Variants in NAB1 observed in about 807,000 individuals in gnomAD.
NAB1 encodes NGFI-A-binding protein 1.
A neutral mutation model predicts 49.9 loss-of-function variants in NAB1; 25 were observed. The ratio of observed to expected loss-of-function variants is 0.50; its 90% confidence interval spans 0.37 to 0.70. NAB1 has a LOEUF of 0.70. NAB1 is among the 30% of genes least tolerant of loss of function. The pLI is 0.00. For missense variants in NAB1, 489 were observed against 575.9 expected (o/e 0.85, Z 1.54); for synonymous variants, 198 against 215.6 (o/e 0.92, Z 0.71).
rs907957411 is a variant in NAB1 at position 190,689,291 on chromosome 2, G to T, written c.1376-954G>T. Among the ~76,000 whole-genome samples, 1 of 152,100 alleles carries T rather than the reference G, an allele frequency of 6.6e-6. No individual in the cohort carries two copies. Among genetic ancestry groups the T allele is most frequent in the Non-Finnish European group, 1.5e-5 (1 of 67,998 alleles). On this transcript the variant is annotated intron_variant, in intron 9 of 9. Transcript: ENST00000337386. The surrounding 1 kb of genome is among the most constrained non-coding windows in gnomAD (Gnocchi z 4.3). ...GTAAAAGAGAAGTAATTTCTACCTCGTAGGGTAGTTAGGAGGATTAAACAA... is the reference window on the plus strand; with the variant it reads ...GTAAAAGAGAAGTAATTTCTACCTCTTAGGGTAGTTAGGAGGATTAAACAA...
In NAB1 at chr2:190,659,865, A is replaced by T. The variant is rs775060146; in HGVS notation, c.689A>T (p.Lys230Ile). ...CTAAAAACCAACAAGAAGTTGGCCA[A>T]AATGATTGGTCACATCTTTGAGATG... is the stretch of plus-strand genomic sequence containing the variant. ...ELLKTNKKLA[K>I]MIGHIFEMND... The change falls in exon 4 of 10, where the codon AAA (lysine) becomes ATA (isoleucine). Residue 230 changes from lysine (K) to isoleucine (I), a missense_variant. Physicochemically the swap from Lys to Ile is moderately radical, Grantham distance 102 (BLOSUM62 -3). Around this residue, in one of 4 missense-constraint regions of NAB1, gnomAD observed 204 missense variants for 220.9 expected, o/e 0.92. Coordinates refer to ENST00000337386, the MANE Select transcript of NAB1 (RefSeq NM_005966.4). This position sits in a 1 kb window ranked among gnomAD's most constrained non-coding sequence, Gnocchi z 6.2. 6.2e-7 allele frequency: 1 copy of T among 1,614,106 alleles called. No individual in the cohort carries two copies. Among genetic ancestry groups the T allele is most frequent in the Non-Finnish European group, 8.5e-7 (1 of 1,180,042 alleles).
rs765883901 is a variant in NAB1 at position 190,690,743 on chromosome 2, T to A, written c.*410T>A. On this transcript the variant is annotated 3_prime_UTR_variant, in exon 10 of 10. Transcript: ENST00000337386. ...TTACTTGAAATTTTGTTGTCTACTT[T>A]GTGTGTTTAACGTAAATATATGTCA... is the stretch of plus-strand genomic sequence containing the variant. The A allele has an allele frequency of 6.4e-6, 1 of 155,494 alleles. No individual in the cohort carries two copies. The highest frequency in any genetic ancestry group is 6.4e-5 in the Admixed American group (1 of 15,642). 9.6% of individuals were successfully genotyped at this position (155,494 alleles called of 1,614,324 possible).
chr2:190,654,375 A>G lies in NAB1; in HGVS notation c.-196-1602A>G, dbSNP rs1326431169. Among the ~76,000 whole-genome samples, 2 of 152,176 alleles carry G rather than the reference A, an allele frequency of 1.3e-5. No individual in the cohort carries two copies. The highest frequency in any genetic ancestry group is 2.9e-5 in the Non-Finnish European group (2 of 68,022). ...TGGCTTAGTTGTTGGTGTTATTTGA[A>G]TAAGTTCAAAATGTAAGAGAGACAA... is the stretch of plus-strand genomic sequence containing the variant. On this transcript the variant is annotated intron_variant, in intron 2 of 9. Coordinates refer to ENST00000337386, the MANE Select transcript of NAB1 (RefSeq NM_005966.4). The surrounding 1 kb of genome is among the most constrained non-coding windows in gnomAD (Gnocchi z 5.6).
At position 190,685,847 on chromosome 2, in the gene NAB1, G is replaced by A. The variant is rs572330929; in HGVS notation, c.1258+209G>A. ...TTGTAAATTTTTTAATCTTTAAGCA[G>A]TTGGCACCTGAGATTGACATGTATT... On this transcript the variant is annotated intron_variant, in intron 8 of 9. Coordinates refer to ENST00000337386, the MANE Select transcript of NAB1 (RefSeq NM_005966.4). The surrounding 1 kb of genome is among the most constrained non-coding windows in gnomAD (Gnocchi z 4.5). Among the ~76,000 whole-genome samples, 132 of 152,268 alleles carry A rather than the reference G, an allele frequency of 8.7e-4. 2 individuals carry two copies. The highest frequency in any genetic ancestry group is 3.0e-3 in the African/African-American group (126 of 41,550).
rs1312552480 is a variant in NAB1 at position 190,654,803 on chromosome 2, A to G, written c.-196-1174A>G. Among the ~76,000 whole-genome samples, 1 of 152,188 alleles carries G rather than the reference A, an allele frequency of 6.6e-6. No individual in the cohort carries two copies. Among genetic ancestry groups the G allele is most frequent in the Non-Finnish European group, 1.5e-5 (1 of 68,038 alleles). ...GAGGCAGAGAAAGAAGTGGTGGTGT[A>G]GCCTAAGGACATGTAGATTTGAGGA... is the stretch of plus-strand genomic sequence containing the variant. On this transcript the variant is annotated intron_variant, in intron 2 of 9. Coordinates refer to ENST00000337386, the MANE Select transcript of NAB1 (RefSeq NM_005966.4). The surrounding 1 kb of genome is among the most constrained non-coding windows in gnomAD (Gnocchi z 5.6).
chr2:190,681,102 C>A (rs1257104131), intron 6 of NAB1, among the ~76,000 whole-genome samples: 1 of 152,102 alleles, frequency 6.6e-6, no homozygotes, highest in Non-Finnish European at 1.5e-5. Flanking sequence ...GCTATAATTT[C>A]TGTTTATAGA....
intron 6 of NAB1, among the ~76,000 whole-genome samples, chr2:190,683,064 A>AC (rs1695425968): frequency 6.6e-6 from 1 of 151,752 alleles, no homozygotes; most frequent in Admixed American, 6.6e-5. Flanking sequence ...GGCTAATCAA[A>AC]CCCCCCACTA....
chr2:190,677,597 T>C lies in NAB1; in HGVS notation c.1005+4445T>C, dbSNP rs1695136322. The C allele has an allele frequency of 6.6e-6, 1 of 152,234 alleles. No homozygotes were observed. Among genetic ancestry groups the C allele is most frequent in the Admixed American group, 6.5e-5 (1 of 15,286 alleles). The allele number at this position is 152,234 out of a possible 1,614,324, so 9.4% of individuals were successfully genotyped here. A position where few individuals can be genotyped will look rare whatever the true frequency, so the allele number is the denominator to read the frequency against. ...ATTAAATCTTCTCATTCTGGGGCAA[T>C]TGTAAAAATCGCTACTTTGTATTGC... On this transcript the variant is annotated intron_variant, in intron 6 of 9. Coordinates refer to ENST00000337386, the MANE Select transcript of NAB1 (RefSeq NM_005966.4). This position sits in a 1 kb window ranked among gnomAD's most constrained non-coding sequence, Gnocchi z 5.6.
At chr2:190,662,276 T>A (rs1310397295) in intron 4 of NAB1, among the ~76,000 whole-genome samples, 1 of 152,208 alleles carries the variant, frequency 6.6e-6, no homozygotes. Flanking sequence ...GTACATAAGA[T>A]TATTTTTCTT....
chr2:190,664,957 T>C (rs1694437074), intron 4 of NAB1, among the ~76,000 whole-genome samples: 1 of 152,108 alleles, frequency 6.6e-6, no homozygotes, highest in Non-Finnish European at 1.5e-5. Flanking sequence ...CCTGATATAC[T>C]TTCTGTACAG....
In NAB1 at chr2:190,686,250, G is replaced by T. The variant is rs538485062; in HGVS notation, c.1258+612G>T. ...TGTGCCAGGCACTCTCCTAGGCACT[G>T]AAGATGCAGCAGGGAACAAATCCCT... On this transcript the variant is annotated intron_variant, in intron 8 of 9. Coordinates refer to ENST00000337386, the MANE Select transcript of NAB1 (RefSeq NM_005966.4). This position sits in a 1 kb window ranked among gnomAD's most constrained non-coding sequence, Gnocchi z 5.5. Among the ~76,000 whole-genome samples, 5 of 152,302 alleles carry T rather than the reference G, an allele frequency of 3.3e-5. No homozygotes were observed. The South Asian group carries it at 1.0e-3, about 32-fold the overall frequency.
chr2:190,658,382 A>T (rs1694038845), intron 3 of NAB1, among the ~76,000 whole-genome samples: 1 of 152,200 alleles, frequency 6.6e-6, no homozygotes, highest in Non-Finnish European at 1.5e-5. Flanking sequence ...AGTGCCTGTT[A>T]GAATTCTGAA....
chr2:190,659,530 C>G lies in NAB1; in HGVS notation c.354C>G (p.Ser118Arg), dbSNP rs1694107095. ...GISCSSYERS[S>R]NAREPHLKIP... ...CCTGCAGTAGTTATGAAAGGAGTAG[C>G]AATGCCCGGGAACCTCATTTAAAAA... The change falls in exon 4 of 10, where the codon AGC (serine) becomes AGG (arginine). Residue 118 changes from serine to arginine, a missense_variant. Physicochemically the swap from Ser to Arg is moderately radical, Grantham distance 110. Coordinates refer to ENST00000337386, the MANE Select transcript of NAB1 (RefSeq NM_005966.4). This position sits in a 1 kb window ranked among gnomAD's most constrained non-coding sequence, Gnocchi z 6.2. The G allele has an allele frequency of 1.2e-6, 2 of 1,614,086 alleles. No individual in the cohort carries two copies. Among genetic ancestry groups the G allele is most frequent in the African/African-American group, 2.7e-5 (2 of 74,928 alleles).
intron 4 of NAB1, among the ~76,000 whole-genome samples, chr2:190,668,823 T>G (rs1005277421): frequency 6.6e-6 from 1 of 152,164 alleles, no homozygotes; most frequent in Non-Finnish European, 1.5e-5. Flanking sequence ...AGACCCCCAG[T>G]TGGATGCCTG....
At position 190,657,397 on chromosome 2, in the gene NAB1, C is replaced by T. The variant is rs138452791; in HGVS notation, c.-20+1244C>T. The stretch of plus-strand genomic sequence containing the variant: ...ACAGTACCTGTAGGAGTTTGTGGTG[C>T]CCGGAGGATTTATTAAGTAGGAATC... On this transcript the variant is annotated intron_variant, in intron 3 of 9. Coordinates refer to ENST00000337386, the MANE Select transcript of NAB1 (RefSeq NM_005966.4). This position sits in a 1 kb window ranked among gnomAD's most constrained non-coding sequence, Gnocchi z 4.4. Among the ~76,000 whole-genome samples, 886 of 152,202 alleles carry T rather than the reference C, an allele frequency of 5.8e-3. 2 individuals carry two copies. The highest frequency in any genetic ancestry group is 9.7e-3 in the Non-Finnish European group (661 of 67,996).
At position 190,675,652 on chromosome 2, in the gene NAB1, G is replaced by C. The variant is rs1473402001; in HGVS notation, c.1005+2500G>C. On this transcript the variant is annotated intron_variant, in intron 6 of 9. Transcript: ENST00000337386. The surrounding 1 kb of genome is among the most constrained non-coding windows in gnomAD (Gnocchi z 5.2). Reference sequence around the variant, plus strand: ...AACTCTTCTAACCCTTCCTAAATAAGACAAGCGACAATCGGCCCCAGGCTT... The same window carrying C: ...AACTCTTCTAACCCTTCCTAAATAACACAAGCGACAATCGGCCCCAGGCTT... 6.6e-6 allele frequency among the ~76,000 whole-genome samples: 1 copy of C among 152,100 alleles called. No homozygotes were observed. The highest frequency in any genetic ancestry group is 1.5e-5 in the Non-Finnish European group (1 of 68,014).
intron 5 of NAB1, 34 bp from the exon 6 acceptor site, chr2:190,673,067 G>GTT (rs5837195): frequency 4.7e-3 from 6,834 of 1,448,736 alleles, no homozygotes; most frequent in Admixed American, 8.5e-3. Context: ...ACTTTCTCAA[G>GTT]TTTTTTTTTT....
At position 190,679,463 on chromosome 2, in the gene NAB1, A is replaced by G. The variant is rs1207640517; in HGVS notation, c.1006-4275A>G. 4.5e-4 allele frequency among the ~76,000 whole-genome samples: 68 copies of G among 152,104 alleles called. No individual in the cohort carries two copies. ...CTTTATTAATGGTGGAATAGTGTCC[A>G]TTTTCTAGCAACTTTCACATGTAGA... On this transcript the variant is annotated intron_variant, in intron 6 of 9. Transcript: ENST00000337386. This position sits in a 1 kb window ranked among gnomAD's most constrained non-coding sequence, Gnocchi z 5.3.
At chr2:190,673,197 T>C (rs1694906319) in intron 6 of NAB1, 45 bp downstream of exon 6, 4 of 1,590,686 alleles carry the variant, frequency 2.5e-6, no homozygotes, top group Non-Finnish European at 8.6e-7. Context: ...ATGTTTGCTT[T>C]TGTTTTAAGA....
Sources: allele counts gnomAD v4.1 joint callset (sites outside exome capture counted in the v4.1 genomes callset), GRCh38; gene constraint gnomAD v4.1.1; regional missense constraint gnomAD v4.1.1; non-coding constraint Gnocchi (gnomAD v3.1); transcripts MANE v1.5; gene names NCBI Gene and HGNC (gene_info 2026-07-23, HGNC 2026-07-21).